RBFOX1: variants seen among roughly 807,000 people sequenced by gnomAD.
RBFOX1 encodes RNA binding protein fox-1 homolog 1.
In RBFOX1, 8 loss-of-function variants were observed where a neutral mutation model predicts 57.7. The ratio of observed to expected loss-of-function variants is 0.14; its 90% confidence interval spans 0.08 to 0.25. RBFOX1 has a LOEUF of 0.25. Ranked by LOEUF, RBFOX1 falls within the 10% of genes least tolerant of loss-of-function variation. The pLI, the probability that RBFOX1 is intolerant of heterozygous loss-of-function variation, is 1.00. For synonymous variants in RBFOX1, 326 were observed against 222.4 expected, an observed-to-expected ratio of 1.47 and a Z score of -4.15; for missense variants, 611 against 548.5, an observed-to-expected ratio of 1.11 and a Z score of -1.14.
intron 1 of RBFOX1, among the ~76,000 whole-genome samples, chr16:5,273,190 G>C (rs555913151): frequency 4.4e-4 from 66 of 151,364 alleles, no homozygotes; most frequent in Admixed American, 2.3e-3. Context: ...CTGGTGCCTT[G>C]TGTGTTTAGA....
intron 2 of RBFOX1, among the ~76,000 whole-genome samples, chr16:6,503,355 CTCTTGT>C (rs1429904500): frequency 6.6e-6 from 1 of 152,168 alleles, no homozygotes; most frequent in African/African-American, 2.4e-5. Flanking sequence ...AGTCATAGCA[CTCTTGT>C]TCTTGTAACA....
At chr16:7,219,696 A>G (rs1360267314) in intron 4 of RBFOX1, among the ~76,000 whole-genome samples, 4 of 152,172 alleles carry the variant, frequency 2.6e-5, no homozygotes, top group African/African-American at 9.7e-5. Context: ...TGCTCTGAGT[A>G]CACCCTGGAA....
intron 4 of RBFOX1, among the ~76,000 whole-genome samples, chr16:7,413,501 G>C (rs1597817928): frequency 6.6e-6 from 1 of 152,048 alleles, no homozygotes; most frequent in South Asian, 2.1e-4. Flanking sequence ...CCAGCCTGGG[G>C]ACCACACTTT....
chr16:6,769,810 C>A (rs2077999102), intron 3 of RBFOX1, among the ~76,000 whole-genome samples: 1 of 152,054 alleles, frequency 6.6e-6, no homozygotes, highest in Non-Finnish European at 1.5e-5. Flanking sequence ...TTTTTTGCAG[C>A]AATGATGCCA....
chr16:5,576,632 C>G (rs944130752), intron 2 of RBFOX1, among the ~76,000 whole-genome samples: 1 of 152,162 alleles, frequency 6.6e-6, no homozygotes, highest in Non-Finnish European at 1.5e-5. Context: ...GTCCATTTTC[C>G]GCTGGTTTTG....
chr16:5,805,806 C>T (rs561790769), intron 3 of RBFOX1, among the ~76,000 whole-genome samples: 2 of 152,206 alleles, frequency 1.3e-5, no homozygotes, highest in Admixed American at 6.5e-5. Context: ...CCATATCTCT[C>T]TCCTCCCACC....
At chr16:7,035,950 C>G (rs974177850) in intron 3 of RBFOX1, among the ~76,000 whole-genome samples, 9 of 152,162 alleles carry the variant, frequency 5.9e-5, no homozygotes, top group African/African-American at 2.2e-4. Flanking sequence ...TTTCAGACAA[C>G]TGAACTGGAA....
intron 2 of RBFOX1, among the ~76,000 whole-genome samples, chr16:6,488,016 A>G (rs993330506): frequency 6.6e-6 from 1 of 152,084 alleles, no homozygotes; most frequent in Non-Finnish European, 1.5e-5. Context: ...TATACACTCA[A>G]AAAGCTCATC....
chr16:7,498,003 C>T (rs1373347882), intron 4 of RBFOX1, among the ~76,000 whole-genome samples: 1 of 152,184 alleles, frequency 6.6e-6, no homozygotes, highest in Non-Finnish European at 1.5e-5. Flanking sequence ...TCTCCTGTCC[C>T]CAAATAGGTG....
intron 3 of RBFOX1, among the ~76,000 whole-genome samples, chr16:6,706,298 A>G (rs1423233960): frequency 2.0e-5 from 3 of 152,200 alleles, no homozygotes; most frequent in Non-Finnish European, 4.4e-5. Context: ...TGAAAAATAA[A>G]TCACATTTAC....
chr16:5,293,148 C>T (rs1446390696), intron 1 of RBFOX1, among the ~76,000 whole-genome samples: 1 of 151,876 alleles, frequency 6.6e-6, no homozygotes, highest in Admixed American at 6.5e-5. Context: ...TGACGAGACC[C>T]TATTTCTACT....
chr16:6,948,501 G>C (rs930041707), intron 3 of RBFOX1, among the ~76,000 whole-genome samples: 1 of 144,512 alleles, frequency 6.9e-6, no homozygotes, highest in African/African-American at 2.6e-5. Context: ...TCCTGCCTCA[G>C]CCTCCCAAGT....
intron 1 of RBFOX1, among the ~76,000 whole-genome samples, chr16:6,311,180 C>A (rs1026725858): frequency 6.6e-6 from 1 of 150,950 alleles, no homozygotes; most frequent in Non-Finnish European, 1.5e-5. Context: ...CCTGTAATCC[C>A]AGCTACTCAG....
At chr16:5,586,586 C>G (rs1020545979) in intron 2 of RBFOX1, among the ~76,000 whole-genome samples, 3 of 152,226 alleles carry the variant, frequency 2.0e-5, no homozygotes, top group African/African-American at 4.8e-5. Context: ...CAGCCTCAAC[C>G]TCCTGGGCTC....
intron 1 of RBFOX1, among the ~76,000 whole-genome samples, chr16:6,181,698 C>A (rs529347528): frequency 6.6e-6 from 1 of 152,288 alleles, no homozygotes; most frequent in East Asian, 1.9e-4. Flanking sequence ...TTTCCTCAAA[C>A]TTTACCCACA....
chr16:7,666,175 A>C (rs9931894), intron 13 of RBFOX1, among the ~76,000 whole-genome samples: 1 of 152,006 alleles, frequency 6.6e-6, no homozygotes, highest in Non-Finnish European at 1.5e-5. Flanking sequence ...AAGCCCATTC[A>C]TTTCCTCAGG....
At position 5,961,613 on chromosome 16, in the gene RBFOX1, C is replaced by A. The variant is rs142023002; in HGVS notation, c.351+94278C>A. Among the ~76,000 whole-genome samples the A allele has an allele frequency of 3.8e-3, 579 of 152,236 alleles. 23 individuals are homozygous for A. In the East Asian group the frequency reaches 0.067, roughly 18 times the overall value. On this transcript the variant is annotated intron_variant, in intron 4 of 19. Coordinates refer to the RBFOX1 transcript ENST00000641259. ...TGGCTCACTGCAGCCTCAACCTCCC[C>A]AGTTCAAACAATCCTCCCACCTCAG...
chr16:5,713,910 T>A (rs904087832), intron 3 of RBFOX1, among the ~76,000 whole-genome samples: 1 of 152,202 alleles, frequency 6.6e-6, no homozygotes, highest in African/African-American at 2.4e-5. Context: ...TACGTTGCAA[T>A]CTTCCAGTGA....
chr16:7,334,588 G>A (rs930795908), intron 4 of RBFOX1, among the ~76,000 whole-genome samples: 5 of 152,132 alleles, frequency 3.3e-5, no homozygotes, highest in South Asian at 2.1e-4. Flanking sequence ...ATTAAGTGCC[G>A]GTGTAGGAAA....
Sources: gnomAD v4.1 joint callset for allele counts (sites outside exome capture counted in the v4.1 genomes callset) on GRCh38, gnomAD v4.1.1 for gene constraint, MANE v1.5 for transcripts, NCBI Gene and HGNC (gene_info 2026-07-23, HGNC 2026-07-21) for gene names.